Variants in VPS13B observed in about 807,000 individuals in gnomAD.
VPS13B encodes the protein vacuolar protein sorting 13 homolog B, also known as intermembrane lipid transfer protein VPS13B.
VPS13B carries 285 observed loss-of-function variants against 426.4 expected under a neutral mutation model. The ratio of observed to expected loss-of-function variants is 0.67; its 90% CI spans 0.61 to 0.74. The LOEUF (loss-of-function observed/expected upper bound fraction) is 0.74. Among genes scored for constraint, VPS13B ranks in the 30% least tolerant of loss-of-function variants. The pLI is 0.00. For synonymous variants in VPS13B, 1,676 were observed against 1,676.4 expected, an observed-to-expected ratio of 1.00 and a Z score of 0.01; for missense variants, 4,537 against 4,782.6, an observed-to-expected ratio of 0.95 and a Z score of 1.51.
intron 21 of VPS13B, among the ~76,000 whole-genome samples, chr8:99,402,729 A>C (rs1246622275): frequency 6.6e-6 from 1 of 152,244 alleles, no homozygotes; most frequent in Middle Eastern, 3.2e-3. Context: ...TGACCAGTGA[A>C]TATACTAATA....
intron 19 of VPS13B, among the ~76,000 whole-genome samples, chr8:99,306,993 A>G (rs756883422): frequency 3.9e-4 from 60 of 152,114 alleles, no homozygotes; most frequent in Non-Finnish European, 8.1e-4. Flanking sequence ...TTAAGCTGTA[A>G]TTAATTAACT....
intron 33 of VPS13B, among the ~76,000 whole-genome samples, chr8:99,606,161 T>C (rs1414483776): frequency 6.6e-6 from 1 of 152,106 alleles, no homozygotes; most frequent in Non-Finnish European, 1.5e-5. Context: ...CTGCCTTGGC[T>C]TCCCAAAATG....
chr8:99,449,870 C>G (rs903503173), intron 23 of VPS13B, among the ~76,000 whole-genome samples: 1 of 151,788 alleles, frequency 6.6e-6, no homozygotes, highest in Non-Finnish European at 1.5e-5. Flanking sequence ...TGAAGTGGCA[C>G]GCTCACTAAC....
At chr8:99,530,741 C>T (rs185016938) in intron 30 of VPS13B, among the ~76,000 whole-genome samples, 121 of 152,120 alleles carry the variant, frequency 8.0e-4, no homozygotes, top group Non-Finnish European at 1.3e-3. Context: ...ACATCTCGGT[C>T]GAACCTCATA....
At chr8:99,531,453 T>C (rs1487020) in intron 30 of VPS13B, among the ~76,000 whole-genome samples, 145,741 of 152,148 alleles carry the variant, frequency 0.96, 69,863 homozygotes, top group East Asian at 1. Context: ...AAAACAGAAG[T>C]GTTATGAATC....
chr8:99,183,267 T>C (rs1396919438), intron 16 of VPS13B, among the ~76,000 whole-genome samples: 3 of 152,268 alleles, frequency 2.0e-5, no homozygotes, highest in African/African-American at 7.2e-5. Flanking sequence ...TATGCCCCGC[T>C]GCTGCTCTAT....
chr8:99,297,065 AATAC>A (rs1241721902), intron 19 of VPS13B, among the ~76,000 whole-genome samples: 1 of 152,160 alleles, frequency 6.6e-6, no homozygotes, highest in African/African-American at 2.4e-5. Context: ...ACTCATGTGA[AATAC>A]ATTTCTCAAC....
chr8:99,696,535 C>T (rs998788883), intron 35 of VPS13B: 7 of 465,630 alleles, frequency 1.5e-5, no homozygotes, highest in East Asian at 4.8e-5. Context: ...GAATTCCTGC[C>T]GCCCGTGACC....
At chr8:99,390,097 T>A (rs542225392) in intron 20 of VPS13B, among the ~76,000 whole-genome samples, 3 of 152,042 alleles carry the variant, frequency 2.0e-5, no homozygotes, top group African/African-American at 7.2e-5. Flanking sequence ...TTTCTCATTT[T>A]AAATTTTTTT....
intron 46 of VPS13B, 52 bp downstream of exon 46, chr8:99,818,586 T>A: frequency 6.2e-7 from 1 of 1,607,174 alleles, no homozygotes; most frequent in Non-Finnish European, 8.5e-7. Flanking sequence ...ACCTTTCCTG[T>A]TCTGAAATAA....
chr8:99,180,234 C>T (rs1210450259), intron 16 of VPS13B, among the ~76,000 whole-genome samples: 1 of 152,096 alleles, frequency 6.6e-6, no homozygotes, highest in Admixed American at 6.5e-5. Context: ...TAAGCTGTTC[C>T]ATATTCCGTA....
At chr8:99,790,094 G>C (rs76208741) in intron 43 of VPS13B, among the ~76,000 whole-genome samples, 6,964 of 152,122 alleles carry the variant, frequency 0.046, 168 homozygotes, top group African/African-American at 0.061. Context: ...TATATCAAGA[G>C]TGATTATCTT....
intron 40 of VPS13B, among the ~76,000 whole-genome samples, chr8:99,771,237 G>A (rs2130641700): frequency 6.6e-6 from 1 of 152,198 alleles, no homozygotes; most frequent in East Asian, 1.9e-4. Context: ...CCAAGACTTT[G>A]GTACTTTCCT....
chr8:99,441,721 GA>G (rs1817683476), intron 22 of VPS13B, among the ~76,000 whole-genome samples: 1 of 152,182 alleles, frequency 6.6e-6, no homozygotes, highest in Middle Eastern at 3.4e-3. Context: ...CTGGGGATAG[GA>G]GAACATTAAG....
intron 21 of VPS13B, among the ~76,000 whole-genome samples, chr8:99,404,878 A>C (rs1815241402): frequency 6.6e-6 from 1 of 152,202 alleles, no homozygotes; most frequent in African/African-American, 2.4e-5. Context: ...AAGATATGTG[A>C]AAGTTCTTTA....
chr8:99,482,495 C>T (rs1469608915), intron 25 of VPS13B, among the ~76,000 whole-genome samples: 1 of 152,080 alleles, frequency 6.6e-6, no homozygotes, highest in African/African-American at 2.4e-5. Flanking sequence ...CTGGGCATGA[C>T]TACATTAGAA....
intron 17 of VPS13B, among the ~76,000 whole-genome samples, chr8:99,262,210 TG>T (rs1818077755): frequency 6.6e-6 from 1 of 152,212 alleles, no homozygotes; most frequent in Admixed American, 6.5e-5. Flanking sequence ...GATTACTTTT[TG>T]TTTCATGTTG....
At chr8:99,338,346 T>G (rs1010211168) in intron 19 of VPS13B, among the ~76,000 whole-genome samples, 3 of 152,074 alleles carry the variant, frequency 2.0e-5, no homozygotes, top group Admixed American at 2.0e-4. Context: ...TATCTCATCA[T>G]TTTTTTGGGT....
Position 99,274,305 on chromosome 8 carries a change from T to C in VPS13B, c.2623T>C (p.Ser875Pro), listed in dbSNP as rs1240404119. The change falls in exon 18 of 62, where the codon TCA becomes CCA. Residue 875 changes from serine (S) to proline (P), a missense_variant. Ser to Pro is a moderately conservative substitution (Grantham distance 74, BLOSUM62 -1). Coordinates refer to ENST00000357162, the MANE Select transcript of VPS13B (RefSeq NM_152564.5). ...LVKCASGTMGSIKICAKAPVD... is the reference protein window; with the variant it reads ...LVKCASGTMGPIKICAKAPVD... ...CAAATGTGCCTCTGGGACCATGGGA[T>C]CAATAAAAATTTGTGCCAAAGCCCC... The C allele has an allele frequency of 6.2e-7, 1 of 1,614,002 alleles. No homozygotes were observed. The highest frequency in any genetic ancestry group is 8.5e-7 in the Non-Finnish European group (1 of 1,180,020).
Sources: gnomAD v4.1 joint callset for allele counts (sites outside exome capture counted in the v4.1 genomes callset) on GRCh38, gnomAD v4.1.1 for gene constraint, MANE v1.5 for transcripts, NCBI Gene and HGNC (gene_info 2026-07-23, HGNC 2026-07-21) for gene names.